STAU2: variants seen among roughly 807,000 people sequenced by gnomAD.
The protein encoded by STAU2 is double-stranded RNA-binding protein Staufen homolog 2.
In STAU2, 20 loss-of-function variants were observed where a neutral mutation model predicts 65.9. The observed-to-expected ratio is 0.30, with a 90% confidence interval of 0.21 to 0.44. STAU2 has a LOEUF of 0.44. Ranked by LOEUF, STAU2 falls within the 20% of genes least tolerant of loss-of-function variation. The pLI, the probability that STAU2 is intolerant of heterozygous loss-of-function variation, is 1.00. For missense variants in STAU2, 558 were observed against 683.9 expected, an observed-to-expected ratio of 0.82 and a Z score of 2.05; for synonymous variants, 232 against 233.9, an observed-to-expected ratio of 0.99 and a Z score of 0.07.
chr8:73,724,103 T>C (rs1016023472), intron 3 of STAU2, among the ~76,000 whole-genome samples: 9 of 152,218 alleles, frequency 5.9e-5, no homozygotes, highest in African/African-American at 1.7e-4. Context: ...TGTCACATCC[T>C]GGAAAATCTC....
chr8:73,591,698 A>G (rs1810787628), intron 11 of STAU2, among the ~76,000 whole-genome samples: 1 of 151,976 alleles, frequency 6.6e-6, no homozygotes, highest in African/African-American at 2.4e-5. Context: ...TGCATAAAAC[A>G]AAAACTAATA....
At chr8:73,606,583 T>C (rs1812049197) in intron 9 of STAU2, among the ~76,000 whole-genome samples, 1 of 152,244 alleles carries the variant, frequency 6.6e-6, no homozygotes, top group East Asian at 1.9e-4. Flanking sequence ...TTAAAAACTA[T>C]GCTAGGTGTT....
At chr8:73,668,240 G>A (rs775270482) in intron 6 of STAU2, among the ~76,000 whole-genome samples, 3 of 151,904 alleles carry the variant, frequency 2.0e-5, no homozygotes, top group Non-Finnish European at 4.4e-5. Context: ...ACAAAGTAGA[G>A]AAAAAAAGAA....
chr8:73,512,297 G>T (rs1822450186), intron 13 of STAU2, among the ~76,000 whole-genome samples: 2 of 152,168 alleles, frequency 1.3e-5, no homozygotes, highest in Non-Finnish European at 2.9e-5. Context: ...AGCCTGCTGG[G>T]ATTTTGACAG....
intron 13 of STAU2, among the ~76,000 whole-genome samples, chr8:73,482,054 C>A (rs938772359): frequency 6.6e-6 from 1 of 152,026 alleles, no homozygotes; most frequent in Non-Finnish European, 1.5e-5. Flanking sequence ...CTTTTGGCTG[C>A]GGCTGGTTTA....
At chr8:73,521,806 TATA>T (rs1430466890) in intron 13 of STAU2, among the ~76,000 whole-genome samples, 1 of 152,202 alleles carries the variant, frequency 6.6e-6, no homozygotes, top group Admixed American at 6.5e-5. Context: ...ATTTTCTACT[TATA>T]ATATTTTCAA....
chr8:73,422,523 T>C (rs1462719284), intron 14 of STAU2, 91 bp downstream of exon 14: 17 of 980,038 alleles, frequency 1.7e-5, no homozygotes, highest in Non-Finnish European at 2.3e-5. Context: ...GTAGATACTA[T>C]TGTCGACTTT....
chr8:73,635,157 G>T (rs1029162178), intron 6 of STAU2, among the ~76,000 whole-genome samples: 1 of 152,170 alleles, frequency 6.6e-6, no homozygotes, highest in African/African-American at 2.4e-5. Flanking sequence ...CACACAGTGG[G>T]ATACTAAACC....
intron 13 of STAU2, among the ~76,000 whole-genome samples, chr8:73,546,279 T>C (rs894268970): frequency 6.6e-6 from 1 of 152,072 alleles, no homozygotes; most frequent in African/African-American, 2.4e-5. Context: ...GGAGTCAGAA[T>C]TCTTAAATGG....
At chr8:73,711,839 T>G (rs970706947) in intron 3 of STAU2, among the ~76,000 whole-genome samples, 2 of 152,112 alleles carry the variant, frequency 1.3e-5, no homozygotes, top group African/African-American at 4.8e-5. Flanking sequence ...AGATCCCACT[T>G]TGATAAAGCT....
chr8:73,582,632 C>T, intron 12 of STAU2, 138 bp downstream of exon 12: 3 of 625,904 alleles, frequency 4.8e-6, no homozygotes, highest in South Asian at 5.2e-5. Context: ...GGAAAGCAAA[C>T]ACCAGGACTC....
At chr8:73,468,537 A>C (rs1379774762) in intron 13 of STAU2, among the ~76,000 whole-genome samples, 1 of 152,186 alleles carries the variant, frequency 6.6e-6, no homozygotes, top group African/African-American at 2.4e-5. Context: ...AATGGGAGAA[A>C]ATTTTTGCAA....
chr8:73,482,553 T>C (rs1379704300), intron 13 of STAU2, among the ~76,000 whole-genome samples: 1 of 152,122 alleles, frequency 6.6e-6, no homozygotes, highest in African/African-American at 2.4e-5. Context: ...TAGGAGACAG[T>C]AACAGAAGTG....
At chr8:73,489,470 T>C (rs1332370569) in intron 13 of STAU2, among the ~76,000 whole-genome samples, 4 of 152,038 alleles carry the variant, frequency 2.6e-5, no homozygotes, top group African/African-American at 4.8e-5. Flanking sequence ...GGTTTAACAA[T>C]CTGAGTTTAA....
chr8:73,746,096 T>C (rs1244600887), intron 1 of STAU2, among the ~76,000 whole-genome samples: 1 of 151,946 alleles, frequency 6.6e-6, no homozygotes, highest in Admixed American at 6.6e-5. Flanking sequence ...ACGGTAGGAG[T>C]TCGTAACAGC....
intron 11 of STAU2, among the ~76,000 whole-genome samples, chr8:73,589,638 T>C (rs1232015152): frequency 1.3e-5 from 2 of 152,100 alleles, no homozygotes; most frequent in South Asian, 2.1e-4. Context: ...TGAAGAAATA[T>C]TGTTGAACTT....
intron 13 of STAU2, among the ~76,000 whole-genome samples, chr8:73,465,214 A>G (rs1251950783): frequency 6.6e-6 from 1 of 152,206 alleles, no homozygotes; most frequent in African/African-American, 2.4e-5. Flanking sequence ...AGTGTGGCCA[A>G]ATAGCACTGG....
chr8:73,685,974 A>G (rs992723643), intron 5 of STAU2, among the ~76,000 whole-genome samples: 12 of 152,230 alleles, frequency 7.9e-5, no homozygotes, highest in African/African-American at 2.9e-4. Context: ...CTACTCAGCC[A>G]TAAAAAGGAA....
chr8:73,528,869 T>C (rs964046964), intron 13 of STAU2, among the ~76,000 whole-genome samples: 6 of 152,154 alleles, frequency 3.9e-5, no homozygotes, highest in Non-Finnish European at 5.9e-5. Flanking sequence ...TTGCAGAATA[T>C]GGCCTACGTT....
Sources: gnomAD v4.1 joint callset for allele counts (sites outside exome capture counted in the v4.1 genomes callset) on GRCh38, gnomAD v4.1.1 for gene constraint, MANE v1.5 for transcripts, NCBI Gene and HGNC (gene_info 2026-07-23, HGNC 2026-07-21) for gene names.